GRM5: variants seen among roughly 807,000 people sequenced by gnomAD.
GRM5 encodes the protein glutamate metabotropic receptor 5.
In GRM5, 19 loss-of-function variants were observed where a neutral mutation model predicts 83.1. The observed-to-expected ratio is 0.23, with a 90% confidence interval of 0.16 to 0.34. The LOEUF (loss-of-function observed/expected upper bound fraction) is 0.34. GRM5 is among the 10% of genes least tolerant of loss of function. The probability of loss-of-function intolerance (pLI) is 1.00; values close to 1 mark genes in which losing one functional copy is unlikely to be tolerated. For missense variants in GRM5, 1,160 were observed against 1,588.3 expected (o/e 0.73, Z 4.58); for synonymous variants, 675 against 633.6 (o/e 1.07, Z -0.98).
At chr11:88,868,326 C>G (rs1458499556) in intron 2 of GRM5, among the ~76,000 whole-genome samples, 3 of 151,832 alleles carry the variant, frequency 2.0e-5, no homozygotes, top group African/African-American at 7.2e-5. Context: ...GCTCTGACAT[C>G]TACTAGTTTG....
chr11:88,947,745 TC>T (rs1438909335), intron 2 of GRM5, among the ~76,000 whole-genome samples: 7 of 152,116 alleles, frequency 4.6e-5, no homozygotes, highest in Non-Finnish European at 8.8e-5. Context: ...AGGGCTTCTC[TC>T]CCCTTTTTGA....
At chr11:88,968,749 T>C (rs144876553) in intron 2 of GRM5, among the ~76,000 whole-genome samples, 73 of 152,192 alleles carry the variant, frequency 4.8e-4, no homozygotes, top group African/African-American at 1.5e-3. Context: ...TTAGACAGTA[T>C]AAGTAATTTC....
At chr11:89,057,149 G>A (rs1221662049) in intron 1 of GRM5, among the ~76,000 whole-genome samples, 1 of 152,088 alleles carries the variant, frequency 6.6e-6, no homozygotes, top group Non-Finnish European at 1.5e-5. Context: ...ACACAGCTCA[G>A]GACATAAACA....
intron 2 of GRM5, among the ~76,000 whole-genome samples, chr11:88,931,887 T>C (rs1263996854): frequency 3.3e-5 from 5 of 152,144 alleles, no homozygotes; most frequent in African/African-American, 1.2e-4. Context: ...AAACACATTA[T>C]ATATGTCATG....
chr11:88,994,445 TTATATATATATATATATATATA>T (rs58154444), intron 2 of GRM5, among the ~76,000 whole-genome samples: 17 of 86,892 alleles, frequency 2.0e-4, no homozygotes, highest in South Asian at 4.4e-4. Context: ...CTTTAACTGA[TTATATATATATATATATATATA>T]TATATATATA....
intron 2 of GRM5, among the ~76,000 whole-genome samples, chr11:88,983,370 C>T (rs563113043): frequency 7.9e-5 from 12 of 152,154 alleles, no homozygotes; most frequent in Non-Finnish European, 1.3e-4. Context: ...CAGTTATGCA[C>T]CACCTATTGC....
intron 3 of GRM5, among the ~76,000 whole-genome samples, chr11:88,765,375 T>A (rs1942607203): frequency 7.6e-6 from 1 of 131,078 alleles, no homozygotes. Context: ...TCAAGTGAGC[T>A]CAAATAGCCA....
rs766025392 is a variant in GRM5 at position 88,509,435 on chromosome 11, G to C, written c.2796C>G (p.Arg932=). ...KSSRGQHLWQ[R]LSIHINKKEN... ...CTTTCTTGTTGATGTGGATGGACAG[G>C]CGCTGCCACAGGTGCTGCCCCCGGC... The change falls in exon 10 of 10, where the codon CGC becomes CGG. Residue 932 remains arginine, a synonymous_variant. Coordinates refer to ENST00000305447, the MANE Select transcript of GRM5 (RefSeq NM_001143831.3). The C allele has an allele frequency of 1.2e-6, 2 of 1,612,808 alleles. No individual in the cohort carries two copies. Among genetic ancestry groups the C allele is most frequent in the Non-Finnish European group, 1.7e-6 (2 of 1,179,864 alleles).
intron 1 of GRM5, among the ~76,000 whole-genome samples, chr11:89,064,313 A>C (rs1942055303): frequency 6.6e-6 from 1 of 152,106 alleles, no homozygotes; most frequent in Non-Finnish European, 1.5e-5. Context: ...AAAATAAATA[A>C]ATAATAAAAC....
At chr11:88,890,421 A>G (rs1945123898) in intron 2 of GRM5, among the ~76,000 whole-genome samples, 3 of 152,246 alleles carry the variant, frequency 2.0e-5, no homozygotes, top group South Asian at 2.1e-4. Flanking sequence ...CTGACAAATG[A>G]AAACTCTTAC....
chr11:88,790,998 A>G (rs1478281354), intron 3 of GRM5, among the ~76,000 whole-genome samples: 1 of 152,214 alleles, frequency 6.6e-6, no homozygotes, highest in Non-Finnish European at 1.5e-5. Context: ...ACAGGAGAGG[A>G]AATGGAAACA....
At chr11:88,602,026 G>A (rs1033879297) in intron 5 of GRM5, among the ~76,000 whole-genome samples, 3 of 152,014 alleles carry the variant, frequency 2.0e-5, no homozygotes, top group African/African-American at 4.8e-5. Context: ...AATAGTAAAG[G>A]TCCATATTTC....
intron 2 of GRM5, among the ~76,000 whole-genome samples, chr11:88,978,302 G>T (rs950856849): frequency 6.6e-6 from 1 of 151,844 alleles, no homozygotes; most frequent in Non-Finnish European, 1.5e-5. Context: ...TATGGCATTG[G>T]TTGTGCTGAT....
intron 2 of GRM5, among the ~76,000 whole-genome samples, chr11:89,026,071 A>C (rs940549677): frequency 1.3e-5 from 2 of 152,230 alleles, no homozygotes; most frequent in African/African-American, 4.8e-5. Flanking sequence ...AAGAATAGAA[A>C]AATACCACAT....
At chr11:88,880,462 T>G (rs1944933570) in intron 2 of GRM5, among the ~76,000 whole-genome samples, 1 of 152,168 alleles carries the variant, frequency 6.6e-6, no homozygotes, top group Non-Finnish European at 1.5e-5. Flanking sequence ...ATTGGCATAG[T>G]TCTATATAAG....
intron 2 of GRM5, among the ~76,000 whole-genome samples, chr11:88,988,423 T>G (rs1377417830): frequency 6.6e-6 from 1 of 151,950 alleles, no homozygotes; most frequent in Non-Finnish European, 1.5e-5. Context: ...GGAACCAAGT[T>G]GGAAAACACT....
rs551763274 is a variant in GRM5 at position 88,564,956 on chromosome 11, T to C, written c.2630+2097A>G. Among the ~76,000 whole-genome samples the C allele has an allele frequency of 2.0e-5, 3 of 152,260 alleles. No homozygotes were observed. In the South Asian group the frequency reaches 6.2e-4, roughly 32 times the overall value. ...TTATTAAGATCATCCAGATTGTGTA[T>C]TGGGTACAGTAACTTTCATGAGTAA... On this transcript the variant is annotated intron_variant, in intron 8 of 9. Transcript: ENST00000305447.
chr11:88,875,622 G>A (rs1376223950), intron 2 of GRM5, among the ~76,000 whole-genome samples: 2 of 151,944 alleles, frequency 1.3e-5, no homozygotes, highest in Non-Finnish European at 2.9e-5. Context: ...ACAATCTGTG[G>A]CAGCTATAGC....
At chr11:88,845,733 C>CG (rs1215007885) in intron 3 of GRM5, among the ~76,000 whole-genome samples, 7 of 151,636 alleles carry the variant, frequency 4.6e-5, no homozygotes, top group African/African-American at 1.7e-4. Context: ...GCGCCCCCCC[C>CG]CACTTTTTAT....
Sources: gnomAD v4.1 joint callset for allele counts (sites outside exome capture counted in the v4.1 genomes callset) on GRCh38, gnomAD v4.1.1 for gene constraint, MANE v1.5 for transcripts, NCBI Gene and HGNC (gene_info 2026-07-23, HGNC 2026-07-21) for gene names.